JARID2: variants seen among roughly 807,000 people sequenced by gnomAD.
JARID2 encodes the protein protein Jumonji.
JARID2 carries 21 observed loss-of-function variants against 125.6 expected under a neutral mutation model. That is an observed-to-expected ratio of 0.17 (90% CI 0.12 to 0.24). The LOEUF is 0.24. Ranked by LOEUF, JARID2 falls within the 10% of genes least tolerant of loss-of-function variation. The probability of loss-of-function intolerance (pLI) is 1.00; values close to 1 mark genes in which losing one functional copy is unlikely to be tolerated. For missense variants in JARID2, 1,303 were observed against 1,639.6 expected, an observed-to-expected ratio of 0.79 and a Z score of 3.55; for synonymous variants, 736 against 661.6, an observed-to-expected ratio of 1.11 and a Z score of -1.73.
chr6:15,286,115 C>G (rs1011343732), intron 1 of JARID2, among the ~76,000 whole-genome samples: 4 of 152,184 alleles, frequency 2.6e-5, no homozygotes, highest in African/African-American at 9.6e-5. Context: ...ATCTACAAGC[C>G]AATTGCTTGA....
intron 2 of JARID2, among the ~76,000 whole-genome samples, chr6:15,405,112 A>G (rs530710667): frequency 1.4e-4 from 21 of 152,180 alleles, no homozygotes; most frequent in South Asian, 8.3e-4. Flanking sequence ...TTGTGTTTCA[A>G]TTTTCCCAAC....
At chr6:15,459,353 C>G (rs1581594003) in intron 4 of JARID2, among the ~76,000 whole-genome samples, 2 of 152,226 alleles carry the variant, frequency 1.3e-5, no homozygotes, top group East Asian at 3.9e-4. Context: ...CTCTTGATTA[C>G]TTATAATACC....
intron 1 of JARID2, among the ~76,000 whole-genome samples, chr6:15,313,884 C>A (rs190969069): frequency 2.6e-5 from 4 of 152,304 alleles, no homozygotes; most frequent in Admixed American, 6.5e-5. Context: ...GGAGAGTAGA[C>A]ATTGGTAATT....
intron 1 of JARID2, among the ~76,000 whole-genome samples, chr6:15,353,497 G>A (rs989594932): frequency 4.6e-5 from 7 of 152,146 alleles, no homozygotes; most frequent in Non-Finnish European, 7.3e-5. Flanking sequence ...TATCATTATC[G>A]AGGAAGGTCT....
chr6:15,307,308 G>T (rs1317202389), intron 1 of JARID2, among the ~76,000 whole-genome samples: 1 of 151,808 alleles, frequency 6.6e-6, no homozygotes, highest in African/African-American at 2.4e-5. Flanking sequence ...TGCAGCCTCT[G>T]CACCCCCGGA....
Position 15,501,490 on chromosome 6 carries a change from TG to T in JARID2, c.2448+83del, listed in dbSNP as rs1335000685. Reference sequence around the variant, plus strand: ...AGAGGAAGTGGAGCGTGCTATGCACTGGACGGTGTGTTCTCTGATTCCCTGG... The same window carrying T: ...AGAGGAAGTGGAGCGTGCTATGCACTGACGGTGTGTTCTCTGATTCCCTGG... On this transcript the variant is annotated intron_variant, in intron 8 of 17. Coordinates refer to ENST00000341776, the MANE Select transcript of JARID2 (RefSeq NM_004973.4). The T allele has an allele frequency of 2.2e-6, 3 of 1,362,230 alleles. No individual in the cohort carries two copies. In the African/African-American group the frequency reaches 4.4e-5, roughly 20 times the overall value. The allele number at this position is 1,362,230 out of a possible 1,614,324, so 84.4% of individuals were successfully genotyped here. A position where few individuals can be genotyped will look rare whatever the true frequency, so the allele number is the denominator to read the frequency against.
At chr6:15,417,513 C>T (rs570993218) in intron 3 of JARID2, among the ~76,000 whole-genome samples, 14 of 152,244 alleles carry the variant, frequency 9.2e-5, no homozygotes, top group African/African-American at 1.4e-4. Flanking sequence ...TGAGGCCGGC[C>T]GGCCACTTGA....
chr6:15,369,251 C>A, intron 1 of JARID2: 1 of 363,226 alleles, frequency 2.8e-6, no homozygotes, highest in Non-Finnish European at 5.8e-6. Context: ...AGTTGTGGCC[C>A]ACAGACCACC....
intron 3 of JARID2, among the ~76,000 whole-genome samples, chr6:15,416,674 C>T (rs979134909): frequency 5.9e-5 from 7 of 118,390 alleles, no homozygotes; most frequent in African/African-American, 2.4e-4. Context: ...AGTGGGAGAC[C>T]GTGGAAAGAG....
rs1769921631 is a variant in JARID2 at position 15,487,309 on chromosome 6, T to C, written c.673T>C (p.Phe225Leu). Reference sequence around the variant, plus strand: ...CTTGTTTTCTCCTTCCTTTCTAGTTTTCAATGGTTCCAGCAGGTCAACACG... The same window carrying C: ...CTTGTTTTCTCCTTCCTTTCTAGTTCTCAATGGTTCCAGCAGGTCAACACG... The part of the protein sequence containing the change: ...THKHVHNGHV[F>L]NGSSRSTREK... Residue 225 changes from phenylalanine to leucine, a missense_variant and splice_region_variant, in exon 6 of 18, where the codon TTC becomes CTC. Phe to Leu is a conservative substitution (Grantham distance 22). Transcript: ENST00000341776. 18 of 1,613,734 alleles carry C rather than the reference T, an allele frequency of 1.1e-5. No individual in the cohort carries two copies. The highest frequency in any genetic ancestry group is 1.5e-5 in the Non-Finnish European group (18 of 1,179,748).
chr6:15,325,537 T>C (rs1048770675), intron 1 of JARID2, among the ~76,000 whole-genome samples: 1 of 152,166 alleles, frequency 6.6e-6, no homozygotes, highest in Admixed American at 6.5e-5. Context: ...CATGATGGTG[T>C]GGTGTGCAGG....
In JARID2 at chr6:15,336,755, GC is replaced by G. The variant is rs1762892510; in HGVS notation, c.46-37358del. 2.0e-5 allele frequency among the ~76,000 whole-genome samples: 3 copies of G among 150,398 alleles called. No homozygotes were observed. The South Asian group carries it at 6.3e-4, about 32-fold the overall frequency. On this transcript the variant is annotated intron_variant, in intron 1 of 17. Coordinates refer to ENST00000341776, the MANE Select transcript of JARID2 (RefSeq NM_004973.4). ...TTAAGAGATGAGGTCTCACCATGCT[GC>G]CCCAGGCTGGTCTCCATCTGGGCTC...
chr6:15,451,112 G>A (rs1767902197), intron 3 of JARID2, among the ~76,000 whole-genome samples: 1 of 152,226 alleles, frequency 6.6e-6, no homozygotes, highest in South Asian at 2.1e-4. Flanking sequence ...GCAGTGAGCT[G>A]AGGTGGCAAC....
In JARID2 at chr6:15,358,721, C is replaced by T. The variant is rs147165458; in HGVS notation, c.46-15396C>T. Among the ~76,000 whole-genome samples the T allele has an allele frequency of 6.1e-3, 927 of 152,322 alleles. 6 individuals carry two copies. Among genetic ancestry groups the T allele is most frequent in the Middle Eastern group, 0.01 (3 of 294 alleles). On this transcript the variant is annotated intron_variant, in intron 1 of 17. Coordinates refer to ENST00000341776, the MANE Select transcript of JARID2 (RefSeq NM_004973.4). ...TCCGTGTGCTCTGTTTAAACAGTTA[C>T]CTGGTTTCCTTAGTTACAAAGGTTT...
intron 8 of JARID2, among the ~76,000 whole-genome samples, chr6:15,502,525 G>A (rs1210677729): frequency 6.6e-6 from 1 of 152,200 alleles, no homozygotes; most frequent in Non-Finnish European, 1.5e-5. Flanking sequence ...ATACCCTCAG[G>A]TGCCCACGGC....
intron 1 of JARID2, among the ~76,000 whole-genome samples, chr6:15,370,338 T>G (rs1037804749): frequency 2.7e-4 from 41 of 150,570 alleles, no homozygotes; most frequent in Non-Finnish European, 3.8e-4. Flanking sequence ...CTGTTTTTTT[T>G]TTTTTTTTTT....
chr6:15,402,025 T>C (rs1459525378), intron 2 of JARID2, among the ~76,000 whole-genome samples: 2 of 151,506 alleles, frequency 1.3e-5, no homozygotes, highest in Non-Finnish European at 2.9e-5. Context: ...ACAGGGGAAC[T>C]ACTGTCCCTC....
rs998730685 is a variant in JARID2, at chr6:15,402,583, T to G, written c.182-7641T>G. 3.9e-5 allele frequency among the ~76,000 whole-genome samples: 6 copies of G among 152,314 alleles called. No homozygotes were observed. In the East Asian group the frequency reaches 1.2e-3, roughly 29 times the overall value. On this transcript the variant is annotated intron_variant, in intron 2 of 17. Transcript: ENST00000341776. ...ATCTCAAAAAAAAATGCCCTTGTGT[T>G]TCCGTCTCCTTCATGTGACTGAGTT...
intron 3 of JARID2, among the ~76,000 whole-genome samples, chr6:15,437,743 G>A (rs1046610357): frequency 6.6e-6 from 1 of 151,926 alleles, no homozygotes; most frequent in Non-Finnish European, 1.5e-5. Flanking sequence ...GGCGGAGGTT[G>A]CAGTGAGCTG....
Sources: allele counts gnomAD v4.1 joint callset (sites outside exome capture counted in the v4.1 genomes callset), GRCh38; gene constraint gnomAD v4.1.1; transcripts MANE v1.5; gene names NCBI Gene and HGNC (gene_info 2026-07-23, HGNC 2026-07-21).